Variants in TSHZ1 observed in about 807,000 individuals in gnomAD.
The protein encoded by TSHZ1 is teashirt zinc finger homeobox 1, also known as teashirt homolog 1.
In TSHZ1, 12 loss-of-function variants were observed where a neutral mutation model predicts 67.1. The observed-to-expected ratio is 0.18, with a 90% CI of 0.11 to 0.29. TSHZ1 has a LOEUF of 0.29. TSHZ1 is among the 10% of genes least tolerant of loss of function. TSHZ1 has a pLI of 1.00. For missense variants in TSHZ1, 1,305 were observed against 1,413.9 expected (o/e 0.92, Z 1.23); for synonymous variants, 632 against 622.4 (o/e 1.02, Z -0.23).
intron 1 of TSHZ1, among the ~76,000 whole-genome samples, chr18:75,212,237 AGTAGTTG>A (rs1484478169): frequency 6.6e-6 from 1 of 152,172 alleles, no homozygotes; most frequent in Non-Finnish European, 1.5e-5. Context: ...GCTGAGGGGA[AGTAGTTG>A]CTCCTTGGCT....
intron 1 of TSHZ1, among the ~76,000 whole-genome samples, chr18:75,257,499 A>G (rs1312841930): frequency 6.6e-6 from 1 of 152,230 alleles, no homozygotes; most frequent in East Asian, 1.9e-4. Flanking sequence ...TTCTGTGAGA[A>G]AATGTTTTTA....
intron 1 of TSHZ1, among the ~76,000 whole-genome samples, chr18:75,215,751 T>C (rs2022758200): frequency 6.6e-6 from 1 of 152,232 alleles, no homozygotes; most frequent in Non-Finnish European, 1.5e-5. Flanking sequence ...AAACATGTAG[T>C]GTCTGGATAA....
chr18:75,271,658 A>G (rs529019403), intron 1 of TSHZ1, among the ~76,000 whole-genome samples: 20 of 152,132 alleles, frequency 1.3e-4, no homozygotes, highest in Admixed American at 2.0e-4. Context: ...TTTATCATTC[A>G]TGTTGGGAAG....
intron 1 of TSHZ1, among the ~76,000 whole-genome samples, chr18:75,250,945 C>A (rs2023295579): frequency 6.6e-6 from 1 of 152,192 alleles, no homozygotes; most frequent in Non-Finnish European, 1.5e-5. Flanking sequence ...ATGTACCAGC[C>A]CCGGGCGTGT....
At chr18:75,236,739 C>G (rs2023076537) in intron 1 of TSHZ1, among the ~76,000 whole-genome samples, 1 of 151,936 alleles carries the variant, frequency 6.6e-6, no homozygotes, top group African/African-American at 2.4e-5. Flanking sequence ...TGACTATATT[C>G]CTGACACACT....
In TSHZ1 at chr18:75,288,430, T is replaced by C. The variant is rs530549106; in HGVS notation, c.3023T>C (p.Ile1008Thr). ...KDLSKLPLNQ[I>T]QEQQNVSKVL... ...CTCTCCAAGCTGCCACTCAATCAGATTCAAGAACAGCAGAATGTTTCGAAA... is the reference window on the plus strand; with the variant it reads ...CTCTCCAAGCTGCCACTCAATCAGACTCAAGAACAGCAGAATGTTTCGAAA... Residue 1008 changes from isoleucine to threonine, a missense_variant, in exon 2 of 2, where the codon ATT (isoleucine) becomes ACT (threonine). Ile to Thr is a moderately conservative substitution (Grantham distance 89). Coordinates refer to ENST00000580243, the MANE Select transcript of TSHZ1 (RefSeq NM_001308210.2). This position sits in a 1 kb window ranked among gnomAD's most constrained non-coding sequence, Gnocchi z 4.9. 4.3e-6 allele frequency: 7 copies of C among 1,614,188 alleles called. No homozygotes were observed. The highest frequency in any genetic ancestry group is 4.2e-6 in the Non-Finnish European group (5 of 1,180,044).
intron 1 of TSHZ1, among the ~76,000 whole-genome samples, chr18:75,242,048 C>G (rs1361279266): frequency 6.6e-6 from 1 of 151,280 alleles, no homozygotes; most frequent in Non-Finnish European, 1.5e-5. Context: ...TTAGAGGACA[C>G]TATTCAACCC....
At chr18:75,212,519 GC>G (rs1298260304) in intron 1 of TSHZ1, among the ~76,000 whole-genome samples, 4 of 152,180 alleles carry the variant, frequency 2.6e-5, no homozygotes. Flanking sequence ...GGAGGAACTG[GC>G]AGGAGCTGGT....
Position 75,279,239 on chromosome 18 carries a change from G to A in TSHZ1, c.41-6209G>A, listed in dbSNP as rs533830302. ...CTGTCTTGAAGGTTTATGCTTCCTCGCATCTCTTGTAAGTTAGAGGGGAAA... is the reference window on the plus strand; with the variant it reads ...CTGTCTTGAAGGTTTATGCTTCCTCACATCTCTTGTAAGTTAGAGGGGAAA... On this transcript the variant is annotated intron_variant, in intron 1 of 1. Transcript: ENST00000580243. Among the ~76,000 whole-genome samples the A allele has an allele frequency of 7.9e-5, 12 of 152,252 alleles. No individual in the cohort carries two copies. In the East Asian group the frequency reaches 1.9e-3, roughly 24 times the overall value.
In TSHZ1 at chr18:75,286,712, G is replaced by C. The variant is rs148126168; in HGVS notation, c.1305G>C (p.Met435Ile). ...CGCTGCAGCAGCTCACCGCCCACAT[G>C]ATGGTCACCGGGCACTTCCTGAAAG... The part of the protein sequence containing the change: ...HDTLQQLTAH[M>I]MVTGHFLKVT... Residue 435 changes from methionine (M) to isoleucine (I), a missense_variant, in exon 2 of 2, where the codon ATG (methionine) becomes ATC (isoleucine). Physicochemically the swap from Met to Ile is conservative, Grantham distance 10. Transcript: ENST00000580243. This position sits in a 1 kb window ranked among gnomAD's most constrained non-coding sequence, Gnocchi z 5.1. 5.3e-5 allele frequency: 86 copies of C among 1,613,986 alleles called. No homozygotes were observed. Among genetic ancestry groups the C allele is most frequent in the Non-Finnish European group, 6.9e-5 (81 of 1,180,042 alleles).
At chr18:75,227,738 T>C (rs757022253) in intron 1 of TSHZ1, among the ~76,000 whole-genome samples, 1 of 152,262 alleles carries the variant, frequency 6.6e-6, no homozygotes, top group Non-Finnish European at 1.5e-5. Context: ...AGGAGACTGT[T>C]GCCTTCGCCA....
Position 75,287,779 on chromosome 18 carries a change from C to G in TSHZ1, c.2372C>G (p.Pro791Arg), listed in dbSNP as rs141280995. 680 of 1,614,208 alleles carry G rather than the reference C, an allele frequency of 4.2e-4. 1 individual carries two copies. Among genetic ancestry groups the G allele is most frequent in the African/African-American group, 3.6e-3 (271 of 75,068 alleles). ...GACAAGCCGGTGTACCCCGCCACCC[C>G]TGTGAAGCAGGCCGATGCCATCGAC... is the stretch of plus-strand genomic sequence containing the variant. ...MLDKPVYPAT[P>R]VKQADAIDRY... Residue 791 changes from proline to arginine, a missense_variant, in exon 2 of 2, where the codon CCT becomes CGT. Pro to Arg is a moderately radical substitution (Grantham distance 103, BLOSUM62 -2). This residue lies in a region of TSHZ1 where 909 missense variants were observed against 961.8 expected (regional missense o/e 0.95). Coordinates refer to ENST00000580243, the MANE Select transcript of TSHZ1 (RefSeq NM_001308210.2). This position sits in a 1 kb window ranked among gnomAD's most constrained non-coding sequence, Gnocchi z 5.0.
Position 75,287,987 on chromosome 18 carries a change from A to G in TSHZ1, c.2580A>G (p.Thr860=). 1 of 1,614,132 alleles carries G rather than the reference A, an allele frequency of 6.2e-7. No homozygotes were observed. The highest frequency in any genetic ancestry group is 8.5e-7 in the Non-Finnish European group (1 of 1,180,036). ...RLTPKSSTPS[T]VSEKSDADGS... is the part of the protein sequence containing the mutation. ...CGCCCAAGTCCTCCACGCCCTCCAC[A>G]GTTTCAGAGAAGTCCGATGCTGATG... Residue 860 remains threonine (T), a synonymous_variant, in exon 2 of 2, where the codon ACA becomes ACG. Coordinates refer to ENST00000580243, the MANE Select transcript of TSHZ1 (RefSeq NM_001308210.2). This position sits in a 1 kb window ranked among gnomAD's most constrained non-coding sequence, Gnocchi z 5.0.
Position 75,285,976 on chromosome 18 carries a change from G to C in TSHZ1, c.569G>C (p.Ser190Thr). The change falls in exon 2 of 2, where the codon AGT becomes ACT. Residue 190 changes from serine (S) to threonine (T), a missense_variant. This residue lies in a region of TSHZ1 where 358 missense variants were observed against 375.6 expected (regional missense o/e 0.95). Transcript: ENST00000580243. Reference sequence around the variant, plus strand: ...AGCACCAGCCACAGCAGTACCACCAGTACCAGCAGCAGCTCCGGGTACGAC... The same window carrying C: ...AGCACCAGCCACAGCAGTACCACCACTACCAGCAGCAGCTCCGGGTACGAC... ...SSSTSHSSTT[S>T]TSSSSGYDWH... The C allele has an allele frequency of 6.3e-7, 1 of 1,591,110 alleles. No individual in the cohort carries two copies. The highest frequency in any genetic ancestry group is 8.5e-7 in the Non-Finnish European group (1 of 1,170,294).
chr18:75,212,334 G>A (rs1403046361), intron 1 of TSHZ1, among the ~76,000 whole-genome samples: 1 of 152,102 alleles, frequency 6.6e-6, no homozygotes, highest in Non-Finnish European at 1.5e-5. Flanking sequence ...AGGCTGGGAC[G>A]CAAAGAATGT....
At position 75,286,598 on chromosome 18, in the gene TSHZ1, C is replaced by A. The variant is rs747287680; in HGVS notation, c.1191C>A (p.Gly397=). ...NPYVTPNNRY[G]YQNGASYTWQ... is the part of the protein sequence containing the mutation. Reference sequence around the variant, plus strand: ...ACGTCACGCCCAATAACCGCTATGGCTACCAGAATGGCGCCAGCTACACCT... The same window carrying A: ...ACGTCACGCCCAATAACCGCTATGGATACCAGAATGGCGCCAGCTACACCT... The change falls in exon 2 of 2, where the codon GGC becomes GGA. Residue 397 remains glycine, a synonymous_variant. Transcript: ENST00000580243. This position sits in a 1 kb window ranked among gnomAD's most constrained non-coding sequence, Gnocchi z 5.1. 6 of 1,614,244 alleles carry A rather than the reference C, an allele frequency of 3.7e-6. No homozygotes were observed. The highest frequency in any genetic ancestry group is 5.1e-6 in the Non-Finnish European group (6 of 1,180,054).
At chr18:75,218,054 T>A (rs1442879682) in intron 1 of TSHZ1, among the ~76,000 whole-genome samples, 1 of 152,244 alleles carries the variant, frequency 6.6e-6, no homozygotes, top group Non-Finnish European at 1.5e-5. Flanking sequence ...ATGTGCACTA[T>A]TGTTGAATCA....
intron 1 of TSHZ1, among the ~76,000 whole-genome samples, chr18:75,215,817 A>G (rs1334776964): frequency 6.6e-6 from 1 of 152,224 alleles, no homozygotes; most frequent in East Asian, 1.9e-4. Context: ...CCCTGCACAC[A>G]CAGGTTGTAA....
chr18:75,279,913 TA>T (rs2023664353), intron 1 of TSHZ1, among the ~76,000 whole-genome samples: 1 of 152,232 alleles, frequency 6.6e-6, no homozygotes, highest in Non-Finnish European at 1.5e-5. Context: ...GTTCAATGGC[TA>T]GTCCATGTTG....
Sources: gnomAD v4.1 joint callset for allele counts (sites outside exome capture counted in the v4.1 genomes callset) on GRCh38, gnomAD v4.1.1 for gene constraint, gnomAD v4.1.1 regional missense constraint, Gnocchi (gnomAD v3.1) non-coding constraint, MANE v1.5 for transcripts, NCBI Gene and HGNC (gene_info 2026-07-23, HGNC 2026-07-21) for gene names.